The following PPP4C variants were observed in gnomAD, a reference collection of about 807,000 sequenced individuals.
PPP4C encodes the protein protein phosphatase 4 catalytic subunit.
In PPP4C, 10 loss-of-function variants were observed where a neutral mutation model predicts 40.5. The ratio of observed to expected loss-of-function variants is 0.25; its 90% CI spans 0.15 to 0.42. PPP4C has a LOEUF of 0.42. PPP4C is among the 10% of genes least tolerant of loss of function. PPP4C has a pLI of 1.00. For missense variants in PPP4C, 191 were observed against 416.4 expected (o/e 0.46, Z 4.71); for synonymous variants, 187 against 163.6 (o/e 1.14, Z -1.09).
Position 30,085,130 on chromosome 16 carries a change from C to T in PPP4C, c.*68C>T. 4.5e-6 allele frequency: 7 copies of T among 1,558,454 alleles called. No homozygotes were observed. Among genetic ancestry groups the T allele is most frequent in the Non-Finnish European group, 6.1e-6 (7 of 1,148,874 alleles). On this transcript the variant is annotated 3_prime_UTR_variant, in exon 9 of 9. Transcript: ENST00000279387. The stretch of plus-strand genomic sequence containing the variant: ...ACCACTGTGACTCTGCCATCTTCCT[C>T]AGACGGAGGCTGGGCGTGGGGGGGG...
Position 30,076,346 on chromosome 16 carries a change from G to GC in PPP4C, c.-28dup. The GC allele has an allele frequency of 6.2e-7, 1 of 1,605,678 alleles. No homozygotes were observed. Among genetic ancestry groups the GC allele is most frequent in the Non-Finnish European group, 8.5e-7 (1 of 1,175,190 alleles). On this transcript the variant is annotated 5_prime_UTR_variant, in exon 2 of 9. Transcript: ENST00000279387. Reference sequence around the variant, plus strand: ...CCTGTGCGGTGCGGAGGGGGCGGCGGCCCCGACTCTGACCCGCGCCGGGGG... The same window carrying GC: ...CCTGTGCGGTGCGGAGGGGGCGGCGGCCCCCGACTCTGACCCGCGCCGGGGG...
In PPP4C at chr16:30,076,427, G is replaced by A; in HGVS notation, c.50G>A (p.Cys17Tyr). Residue 17 changes from cysteine (C) to tyrosine (Y), a missense_variant, in exon 2 of 9, where the codon TGC becomes TAC. Physicochemically the swap from Cys to Tyr is radical, Grantham distance 194 (BLOSUM62 -2). Coordinates refer to ENST00000279387, the MANE Select transcript of PPP4C (RefSeq NM_002720.3). Reference protein sequence around the residue: ...LDRQIEQLRRCELIKESEVKA... With the variant: ...LDRQIEQLRRYELIKESEVKA... The stretch of plus-strand genomic sequence containing the variant: ...CGGCAGATCGAGCAGCTGCGTCGCT[G>A]CGAGCTCATCAAGGAGAGCGAAGTC... 1 of 1,613,428 alleles carries A rather than the reference G, an allele frequency of 6.2e-7. No individual in the cohort carries two copies. The highest frequency in any genetic ancestry group is 8.5e-7 in the Non-Finnish European group (1 of 1,179,864).
intron 2 of PPP4C, 101 bp downstream of exon 2, chr16:30,076,576 A>G: frequency 4.9e-6 from 6 of 1,232,266 alleles, no homozygotes; most frequent in African/African-American, 1.5e-5. Context: ...TCGTTCTGGA[A>G]GCTTTCCCAG....
At chr16:30,084,222 C>G (rs1325825644) in intron 7 of PPP4C, among the ~76,000 whole-genome samples, 1 of 149,072 alleles carries the variant, frequency 6.7e-6, no homozygotes. Context: ...TACACATAGC[C>G]TCTGCTCCAT....
chr16:30,080,568 G>A (rs889094700), intron 2 of PPP4C, among the ~76,000 whole-genome samples: 5 of 147,508 alleles, frequency 3.4e-5, no homozygotes, highest in African/African-American at 1.0e-4. Flanking sequence ...GTGCAGTGGC[G>A]CGATCTTAGC....
Position 30,083,372 on chromosome 16 carries a change from C to T in PPP4C, c.304-22C>T, listed in dbSNP as rs371774411. ...TGGAGAGACCGTCTAGGCGCCAGCC[C>T]TGGCTTGGTGGCCACCCCCAGGTTC... On this transcript the variant is annotated intron_variant, in intron 5 of 8. Coordinates refer to ENST00000279387, the MANE Select transcript of PPP4C (RefSeq NM_002720.3). This position sits in a 1 kb window ranked among gnomAD's most constrained non-coding sequence, Gnocchi z 6.3. 15 of 1,601,618 alleles carry T rather than the reference C, an allele frequency of 9.4e-6. No individual in the cohort carries two copies. Among genetic ancestry groups the T allele is most frequent in the Admixed American group, 1.7e-5 (1 of 59,858 alleles).
intron 3 of PPP4C, among the ~76,000 whole-genome samples, chr16:30,082,041 TGA>T (rs1265581805): frequency 7.1e-6 from 1 of 141,552 alleles, no homozygotes; most frequent in Non-Finnish European, 1.5e-5. Context: ...GGCGACAGAG[TGA>T]GACTCCGTCT....
chr16:30,076,552 A>G, intron 2 of PPP4C, 77 bp downstream of exon 2: 29 of 1,423,246 alleles, frequency 2.0e-5, no homozygotes, highest in Non-Finnish European at 2.8e-5. Context: ...CCAACTGAGA[A>G]CTTTGGGCTT....
In PPP4C at chr16:30,077,735, C is replaced by G. The variant is rs908683449; in HGVS notation, c.98+1260C>G. ...AAAAACTTCTATCCATCTCTTCCCC[C>G]CAGCAATCCTATGAGGTTGGAATCA... is the stretch of plus-strand genomic sequence containing the variant. On this transcript the variant is annotated intron_variant, in intron 2 of 8. Coordinates refer to ENST00000279387, the MANE Select transcript of PPP4C (RefSeq NM_002720.3). Among the ~76,000 whole-genome samples, 11 of 152,216 alleles carry G rather than the reference C, an allele frequency of 7.2e-5. No homozygotes were observed. In the South Asian group the frequency reaches 2.3e-3, roughly 31 times the overall value.
intron 3 of PPP4C, among the ~76,000 whole-genome samples, chr16:30,081,914 G>C (rs2072515152): frequency 6.6e-6 from 1 of 152,014 alleles, no homozygotes; most frequent in Non-Finnish European, 1.5e-5. Context: ...AATTAGCCAG[G>C]TGTGGTGGTG....
intron 2 of PPP4C, among the ~76,000 whole-genome samples, chr16:30,076,995 C>T (rs2072414861): frequency 6.6e-6 from 1 of 152,110 alleles, no homozygotes; most frequent in Admixed American, 6.6e-5. Flanking sequence ...CTCTTAGTGT[C>T]CTGTCCTTTT....
At position 30,084,816 on chromosome 16, in the gene PPP4C, C is replaced by T. The variant is rs771914431; in HGVS notation, c.755C>T (p.Thr252Met). Residue 252 changes from threonine (T) to methionine (M), a missense_variant, in exon 8 of 9, where the codon ACG becomes ATG. This residue lies in a region of PPP4C where 171 missense variants were observed against 352.4 expected (regional missense o/e 0.49). Transcript: ENST00000279387. ...MEGYKWHFNE[T>M]VLTVWSAPNY... ...GGTTACAAGTGGCACTTCAATGAGA[C>T]GGTGCTCACTGTGTGGTCGGCACCC... 2 of 1,614,220 alleles carry T rather than the reference C, an allele frequency of 1.2e-6. No individual in the cohort carries two copies. Among genetic ancestry groups the T allele is most frequent in the South Asian group, 1.1e-5 (1 of 91,086 alleles).
Position 30,083,369 on chromosome 16 carries a change from G to A in PPP4C, c.304-25G>A, listed in dbSNP as rs773600333. 2 of 1,600,380 alleles carry A rather than the reference G, an allele frequency of 1.2e-6. No homozygotes were observed. The highest frequency in any genetic ancestry group is 8.5e-7 in the Non-Finnish European group (1 of 1,172,700). On this transcript the variant is annotated intron_variant, in intron 5 of 8. Coordinates refer to ENST00000279387, the MANE Select transcript of PPP4C (RefSeq NM_002720.3). This position sits in a 1 kb window ranked among gnomAD's most constrained non-coding sequence, Gnocchi z 6.3. ...GTGTGGAGAGACCGTCTAGGCGCCA[G>A]CCCTGGCTTGGTGGCCACCCCCAGG...
intron 3 of PPP4C, among the ~76,000 whole-genome samples, chr16:30,082,135 G>T (rs971772133): frequency 5.3e-5 from 8 of 152,174 alleles, no homozygotes; most frequent in South Asian, 2.1e-4. Flanking sequence ...TCTTGGCCAG[G>T]GCAGAAGGAC....
chr16:30,080,238 G>A (rs1335852388), intron 2 of PPP4C, among the ~76,000 whole-genome samples: 1 of 150,996 alleles, frequency 6.6e-6, no homozygotes, highest in Admixed American at 6.6e-5. Flanking sequence ...CCAGCTACTC[G>A]GGAGGTTGAG....
intron 2 of PPP4C, among the ~76,000 whole-genome samples, chr16:30,080,754 C>G (rs1035177979): frequency 3.9e-5 from 6 of 152,176 alleles, no homozygotes; most frequent in Admixed American, 2.6e-4. Flanking sequence ...ATCTGCCCAC[C>G]CTGGCATCCC....
intron 2 of PPP4C, among the ~76,000 whole-genome samples, chr16:30,076,891 A>C (rs1490957637): frequency 6.6e-6 from 1 of 152,206 alleles, no homozygotes; most frequent in Non-Finnish European, 1.5e-5. Context: ...TAATTACAAC[A>C]ACCCTTAAAG....
At chr16:30,082,371 A>G (rs2072526929) in intron 3 of PPP4C, 113 bp from the exon 4 acceptor site, 1 of 1,157,242 alleles carries the variant, frequency 8.6e-7, no homozygotes, top group South Asian at 1.2e-5. Context: ...TGGTCCTAGG[A>G]AGTAGAAGTG....
In PPP4C at chr16:30,083,525, G is replaced by A. The variant is rs1180928620; in HGVS notation, c.435G>A (p.Glu145=). 1.2e-6 allele frequency: 2 copies of A among 1,614,154 alleles called. No homozygotes were observed. The highest frequency in any genetic ancestry group is 1.7e-6 in the Non-Finnish European group (2 of 1,180,026). The part of the protein sequence containing the change: ...GSVTVWRYCT[E]IFDYLSLSAI... Reference sequence around the variant, plus strand: ...TGACTGTGTGGCGCTACTGCACTGAGATCTTTGACTACCTCAGCCTGTCAG... The same window carrying A: ...TGACTGTGTGGCGCTACTGCACTGAAATCTTTGACTACCTCAGCCTGTCAG... The change falls in exon 6 of 9, where the codon GAG becomes GAA. Residue 145 remains glutamate, a synonymous_variant. Transcript: ENST00000279387. This position sits in a 1 kb window ranked among gnomAD's most constrained non-coding sequence, Gnocchi z 6.3.
Sources: allele counts gnomAD v4.1 joint callset (sites outside exome capture counted in the v4.1 genomes callset), GRCh38; gene constraint gnomAD v4.1.1; regional missense constraint gnomAD v4.1.1; non-coding constraint Gnocchi (gnomAD v3.1); transcripts MANE v1.5; gene names NCBI Gene and HGNC (gene_info 2026-07-23, HGNC 2026-07-21).